CSMD3: variants seen among roughly 807,000 people sequenced by gnomAD.
The protein encoded by CSMD3 is CUB and sushi domain-containing protein 3.
In CSMD3, 177 loss-of-function variants were observed where a neutral mutation model predicts 435.2. The ratio of observed to expected loss-of-function variants is 0.41; its 90% CI spans 0.36 to 0.46. The LOEUF is 0.46. Ranked by LOEUF, CSMD3 falls within the 20% of genes least tolerant of loss-of-function variation. The pLI, the probability that CSMD3 is intolerant of heterozygous loss-of-function variation, is 0.34. For synonymous variants in CSMD3, 1,656 were observed against 1,520.5 expected (o/e 1.09, Z -2.07); for missense variants, 4,265 against 4,504.6 (o/e 0.95, Z 1.52).
At chr8:112,800,358 A>G (rs575001672) in intron 12 of CSMD3, 84 bp from the exon 13 acceptor site, 13 of 933,346 alleles carry the variant, frequency 1.4e-5, no homozygotes, top group African/African-American at 8.0e-5. Context: ...GTGTTTCTCA[A>G]TACTTTCTTT....
chr8:113,411,053 TAGGAAGGAAGGA>T (rs201537821), intron 1 of CSMD3, among the ~76,000 whole-genome samples: 3 of 143,354 alleles, frequency 2.1e-5, no homozygotes, highest in East Asian at 2.1e-4. Context: ...AGGAGAAAGA[TAGGAAGGAAGGA>T]AGGAAGGATG....
intron 7 of CSMD3, among the ~76,000 whole-genome samples, chr8:112,964,802 A>T (rs2084357206): frequency 1.3e-5 from 2 of 152,002 alleles, no homozygotes; most frequent in African/African-American, 2.4e-5. Flanking sequence ...ATAAAGAGAG[A>T]TCAAGCATCA....
At chr8:113,366,682 A>G (rs1227522087) in intron 1 of CSMD3, among the ~76,000 whole-genome samples, 1 of 152,062 alleles carries the variant, frequency 6.6e-6, no homozygotes, top group African/African-American at 2.4e-5. Context: ...TTGAGCGTAT[A>G]CCATGTGTGT....
chr8:112,893,443 G>A (rs541700558), intron 10 of CSMD3, among the ~76,000 whole-genome samples: 2 of 151,552 alleles, frequency 1.3e-5, no homozygotes, highest in South Asian at 4.1e-4. Flanking sequence ...AAAACATCTA[G>A]GGATGGGAAC....
At chr8:113,383,878 G>A (rs1033963951) in intron 1 of CSMD3, among the ~76,000 whole-genome samples, 2 of 152,074 alleles carry the variant, frequency 1.3e-5, no homozygotes, top group African/African-American at 4.8e-5. Flanking sequence ...CCAGCTGGGT[G>A]ACCACACCTT....
At chr8:112,253,262 C>A (rs1390640768) in intron 63 of CSMD3, among the ~76,000 whole-genome samples, 1 of 151,778 alleles carries the variant, frequency 6.6e-6, no homozygotes, top group Non-Finnish European at 1.5e-5. Flanking sequence ...ATTGATAAAA[C>A]CTTTTATGGA....
At chr8:112,399,035 G>A (rs28548536) in intron 35 of CSMD3, among the ~76,000 whole-genome samples, 28,511 of 151,440 alleles carry the variant, frequency 0.19, 3,219 homozygotes, top group Middle Eastern at 0.36. Context: ...TCCTGCCTCA[G>A]CCTCCTGAGT....
intron 13 of CSMD3, among the ~76,000 whole-genome samples, chr8:112,799,344 G>T (rs2078906557): frequency 2.6e-5 from 4 of 151,812 alleles, no homozygotes; most frequent in Admixed American, 1.3e-4. Context: ...GCAAGTAAAA[G>T]AATTTTTCAC....
intron 1 of CSMD3, among the ~76,000 whole-genome samples, chr8:113,343,754 A>T (rs2094134662): frequency 6.6e-6 from 1 of 152,260 alleles, no homozygotes; most frequent in African/African-American, 2.4e-5. Context: ...GGCCAAGAAA[A>T]AAATCATAAT....
chr8:112,920,994 C>A (rs1000330373), intron 10 of CSMD3, among the ~76,000 whole-genome samples: 1 of 119,050 alleles, frequency 8.4e-6, no homozygotes, highest in Non-Finnish European at 1.7e-5. Context: ...CATACGCGCG[C>A]GCGCACACAC....
intron 10 of CSMD3, among the ~76,000 whole-genome samples, chr8:112,896,161 T>G (rs2081944863): frequency 6.6e-6 from 1 of 151,388 alleles, no homozygotes; most frequent in African/African-American, 2.4e-5. Flanking sequence ...TACTTGGAGT[T>G]TGCCTTTGAA....
intron 27 of CSMD3, among the ~76,000 whole-genome samples, chr8:112,547,885 T>A (rs1827326573): frequency 6.6e-6 from 1 of 152,172 alleles, no homozygotes; most frequent in South Asian, 2.1e-4. Context: ...ACCTGGTTCT[T>A]ACTAGACTCT....
chr8:112,423,670 T>C (rs1812753370), intron 32 of CSMD3, among the ~76,000 whole-genome samples: 1 of 152,204 alleles, frequency 6.6e-6, no homozygotes, highest in East Asian at 1.9e-4. Context: ...GACTCGAACT[T>C]CTGGGCTCAG....
chr8:113,330,354 T>C (rs1220800491), intron 1 of CSMD3, among the ~76,000 whole-genome samples: 1 of 149,680 alleles, frequency 6.7e-6, no homozygotes, highest in African/African-American at 2.5e-5. Context: ...AATTGTACAC[T>C]AGAAAGTATT....
chr8:112,819,960 G>A (rs1563992513), intron 12 of CSMD3, among the ~76,000 whole-genome samples: 1 of 152,012 alleles, frequency 6.6e-6, no homozygotes, highest in Non-Finnish European at 1.5e-5. Flanking sequence ...CAACATATTT[G>A]TTCTTTTTCT....
chr8:113,418,639 T>A (rs978712781), intron 1 of CSMD3, among the ~76,000 whole-genome samples: 2 of 152,212 alleles, frequency 1.3e-5, no homozygotes, highest in Admixed American at 1.3e-4. Flanking sequence ...TCATAACTTA[T>A]AAATTCTAAT....
intron 1 of CSMD3, among the ~76,000 whole-genome samples, chr8:113,393,515 A>G (rs961084653): frequency 1.3e-5 from 2 of 152,116 alleles, no homozygotes; most frequent in African/African-American, 4.8e-5. Context: ...TTCCACTTCA[A>G]TACAGTGGAA....
At chr8:112,563,366 TG>T (rs1828802944) in intron 24 of CSMD3, among the ~76,000 whole-genome samples, 1 of 151,918 alleles carries the variant, frequency 6.6e-6, no homozygotes, top group Non-Finnish European at 1.5e-5. Context: ...ATTATTACTA[TG>T]CATTTCCAAT....
In CSMD3 at chr8:112,335,442, C is replaced by T. The variant is rs2130948483; in HGVS notation, c.7052G>A (p.Gly2351Asp). ...DGPDQNSPQI[G>D]QFSGNTALES... ...CAAAGCGGTATTGCCACTGAACTGA[C>T]CGATCTGAGGTGAATTTTGGTCTGG... Residue 2351 changes from glycine (G) to aspartate (D), a missense_variant, in exon 45 of 71, where the codon GGT becomes GAT. Gly to Asp is a moderately conservative substitution (Grantham distance 94). Transcript: ENST00000297405. 6.2e-7 allele frequency: 1 copy of T among 1,613,980 alleles called. No individual in the cohort carries two copies. The highest frequency in any genetic ancestry group is 8.5e-7 in the Non-Finnish European group (1 of 1,179,948).
Sources: allele counts gnomAD v4.1 joint callset (sites outside exome capture counted in the v4.1 genomes callset), GRCh38; gene constraint gnomAD v4.1.1; transcripts MANE v1.5; gene names NCBI Gene and HGNC (gene_info 2026-07-23, HGNC 2026-07-21).